Variants in MACROD2 observed in about 807,000 individuals in gnomAD.
MACROD2 encodes mono-ADP ribosylhydrolase 2.
A neutral mutation model predicts 70.4 loss-of-function variants in MACROD2; 36 were observed. The observed-to-expected ratio is 0.51, with a 90% confidence interval of 0.39 to 0.68. The LOEUF is 0.68. Among genes scored for constraint, MACROD2 ranks in the 30% least tolerant of loss-of-function variants. The pLI, the probability that MACROD2 is intolerant of heterozygous loss-of-function variation, is 0.00. For synonymous variants in MACROD2, 172 were observed against 178.8 expected, an observed-to-expected ratio of 0.96 and a Z score of 0.30; for missense variants, 496 against 538.4, an observed-to-expected ratio of 0.92 and a Z score of 0.78.
In MACROD2 at chr20:15,322,731, T is replaced by C; in HGVS notation, c.540+92670T>C. Among the ~76,000 whole-genome samples, 2 of 144,270 alleles carry C rather than the reference T, an allele frequency of 1.4e-5. 1 individual carries two copies. Among genetic ancestry groups the C allele is most frequent in the Non-Finnish European group, 3.1e-5 (2 of 63,732 alleles). The allele number at this position is 144,270 out of a possible 152,430, so 94.6% of individuals were successfully genotyped here. On this transcript the variant is annotated intron_variant, in intron 6 of 17. Coordinates refer to ENST00000684519, the MANE Select transcript of MACROD2 (RefSeq NM_001351661.2). ...CTCCCTGAATTTGTCTTCTATTTAGTGGTGGATTGGTTTCACAGTTGTATG... is the reference window on the plus strand; with the variant it reads ...CTCCCTGAATTTGTCTTCTATTTAGCGGTGGATTGGTTTCACAGTTGTATG...
At chr20:15,746,038 A>G (rs1176803529) in intron 8 of MACROD2, among the ~76,000 whole-genome samples, 1 of 152,120 alleles carries the variant, frequency 6.6e-6, no homozygotes, top group Non-Finnish European at 1.5e-5. Flanking sequence ...TAAGTCTTAG[A>G]ATTAGTTTGT....
intron 3 of MACROD2, among the ~76,000 whole-genome samples, chr20:14,231,222 T>G (rs1180816288): frequency 6.6e-6 from 1 of 152,062 alleles, no homozygotes; most frequent in Non-Finnish European, 1.5e-5. Context: ...TGTGCCATGT[T>G]GGTGTGCTGC....
chr20:16,035,112 AAATAT>A lies in MACROD2; in HGVS notation c.1154-6081_1154-6077del, dbSNP rs1456487711. 1.1e-3 allele frequency among the ~76,000 whole-genome samples: 36 copies of A among 32,250 alleles called. 2 individuals carry two copies. The highest frequency in any genetic ancestry group is 1.8e-3 in the African/African-American group (31 of 16,912). 21.2% of individuals were successfully genotyped at this position (32,250 alleles called of 152,430 possible). ...TATAAAATATTATATATTATATATA[AAATAT>A]AATATAAAATATTATATATTATATA... On this transcript the variant is annotated intron_variant, in intron 15 of 17. Coordinates refer to ENST00000684519, the MANE Select transcript of MACROD2 (RefSeq NM_001351661.2).
At chr20:15,783,114 G>A (rs2051863140) in intron 8 of MACROD2, among the ~76,000 whole-genome samples, 1 of 151,910 alleles carries the variant, frequency 6.6e-6, no homozygotes, top group South Asian at 2.1e-4. Context: ...GCCTGTATGT[G>A]GCTTGTTTAT....
chr20:14,320,945 T>G (rs1041762781), intron 3 of MACROD2, among the ~76,000 whole-genome samples: 1 of 152,314 alleles, frequency 6.6e-6, no homozygotes, highest in South Asian at 2.1e-4. Flanking sequence ...GAGGTCTTCC[T>G]TGAGCTATTC....
At chr20:14,761,230 T>A (rs1455729936) in intron 5 of MACROD2, among the ~76,000 whole-genome samples, 9 of 152,132 alleles carry the variant, frequency 5.9e-5, no homozygotes, top group Non-Finnish European at 1.3e-4. Flanking sequence ...CTGCTCTGGA[T>A]TCTGAGAATG....
intron 6 of MACROD2, among the ~76,000 whole-genome samples, chr20:15,406,224 A>C (rs1403424225): frequency 1.3e-5 from 2 of 152,198 alleles, no homozygotes; most frequent in Admixed American, 6.5e-5. Context: ...CAAAGTGAGG[A>C]TAGGATGACT....
At chr20:14,286,929 A>G (rs1407585270) in intron 3 of MACROD2, among the ~76,000 whole-genome samples, 5 of 152,186 alleles carry the variant, frequency 3.3e-5, no homozygotes, top group Non-Finnish European at 4.4e-5. Flanking sequence ...TTTCACTCTG[A>G]CATTATTCTT....
chr20:14,826,587 T>C (rs1183901892), intron 5 of MACROD2, among the ~76,000 whole-genome samples: 1 of 152,146 alleles, frequency 6.6e-6, no homozygotes, highest in Non-Finnish European at 1.5e-5. Flanking sequence ...GCATTCTGTT[T>C]TGTTGAATTT....
At chr20:15,447,047 TGTGC>T (rs1416339473) in intron 7 of MACROD2, among the ~76,000 whole-genome samples, 42 of 106,416 alleles carry the variant, frequency 3.9e-4, no homozygotes, top group Admixed American at 3.1e-3. Context: ...GACCTAAGAG[TGTGC>T]GTGTGTGTGT....
chr20:14,892,486 A>G (rs891671869), intron 5 of MACROD2, among the ~76,000 whole-genome samples: 6 of 152,132 alleles, frequency 3.9e-5, no homozygotes, highest in Non-Finnish European at 5.9e-5. Context: ...TCTAATGTAG[A>G]ATTATAATAT....
chr20:15,588,798 A>G (rs1404749828), intron 8 of MACROD2, among the ~76,000 whole-genome samples: 4 of 152,158 alleles, frequency 2.6e-5, no homozygotes, highest in Non-Finnish European at 5.9e-5. Context: ...TCATATCACT[A>G]TCAGAATTTT....
intron 8 of MACROD2, among the ~76,000 whole-genome samples, chr20:15,553,059 T>G (rs769054799): frequency 2.6e-5 from 4 of 152,220 alleles, no homozygotes; most frequent in Non-Finnish European, 5.9e-5. Context: ...GTTGGAAATT[T>G]ACTCTGCTGA....
At chr20:15,781,893 G>A (rs1187384948) in intron 8 of MACROD2, among the ~76,000 whole-genome samples, 1 of 152,116 alleles carries the variant, frequency 6.6e-6, no homozygotes, top group Admixed American at 6.5e-5. Flanking sequence ...AGGACACTAT[G>A]TAGTGGGGTA....
At chr20:14,039,920 T>A (rs970091567) in intron 2 of MACROD2, among the ~76,000 whole-genome samples, 2 of 152,162 alleles carry the variant, frequency 1.3e-5, no homozygotes, top group East Asian at 3.8e-4. Context: ...CTCAGTGATG[T>A]CGCTAATCTA....
In MACROD2 at chr20:14,977,120, A is replaced by C. The variant is rs1050289093; in HGVS notation, c.419-252820A>C. On this transcript the variant is annotated intron_variant, in intron 5 of 17. Transcript: ENST00000684519. ...CCCCAAATCATAGATGATTACCTTC[A>C]AGTTAGCATGAAGTCAGAACTGACA... Among the ~76,000 whole-genome samples the C allele has an allele frequency of 2.6e-5, 4 of 152,168 alleles. No individual in the cohort carries two copies. In the South Asian group the frequency reaches 6.2e-4, roughly 24 times the overall value.
At chr20:15,638,344 T>C (rs551211817) in intron 8 of MACROD2, among the ~76,000 whole-genome samples, 1 of 152,324 alleles carries the variant, frequency 6.6e-6, no homozygotes, top group East Asian at 1.9e-4. Flanking sequence ...TTTTGTTTTG[T>C]TTTGTTTTTC....
rs551606075 is a variant in MACROD2 at position 14,582,964 on chromosome 20, C to T, written c.301+89456C>T. Among the ~76,000 whole-genome samples, 10 of 152,236 alleles carry T rather than the reference C, an allele frequency of 6.6e-5. No individual in the cohort carries two copies. The South Asian group carries it at 1.0e-3, about 16-fold the overall frequency. On this transcript the variant is annotated intron_variant, in intron 4 of 17. Transcript: ENST00000684519. ...CTCTGCACTCTTGATCTTTTCTCTC[C>T]GTCTGTCACTTTGTGGCTGAGTGCA...
In MACROD2 at chr20:15,818,380, C is replaced by G. The variant is rs186877766; in HGVS notation, c.646-44365C>G. 1.9e-3 allele frequency among the ~76,000 whole-genome samples: 287 copies of G among 152,246 alleles called. 1 individual carries two copies. The highest frequency in any genetic ancestry group is 3.4e-3 in the Middle Eastern group (1 of 294). On this transcript the variant is annotated intron_variant, in intron 8 of 17. Transcript: ENST00000684519. ...ATTCCCAGAACCGAGGGTTCCTCCC[C>G]CTTTTAGACCATCTAGGGTAACTTC...
Sources: allele counts gnomAD v4.1 joint callset (sites outside exome capture counted in the v4.1 genomes callset), GRCh38; gene constraint gnomAD v4.1.1; transcripts MANE v1.5; gene names NCBI Gene and HGNC (gene_info 2026-07-23, HGNC 2026-07-21).